SLC4A9: variants seen among roughly 807,000 people sequenced by gnomAD.
SLC4A9 encodes the protein solute carrier family 4 member 9.
Under a neutral mutation model 103.2 loss-of-function variants are expected in SLC4A9, and 102 were observed. The ratio of observed to expected loss-of-function variants is 0.99; its 90% CI spans 0.84 to 1.17. The LOEUF is 1.17. Among genes scored for constraint, SLC4A9 ranks in the 50% most tolerant of loss-of-function variants. The pLI, the probability that SLC4A9 is intolerant of heterozygous loss-of-function variation, is 0.00. For missense variants in SLC4A9, 1,091 were observed against 1,193.7 expected, an observed-to-expected ratio of 0.91 and a Z score of 1.27; for synonymous variants, 453 against 483.6, an observed-to-expected ratio of 0.94 and a Z score of 0.83.
chr5:140,370,148 G>T (rs538368826), intron 17 of SLC4A9, among the ~76,000 whole-genome samples: 1 of 152,110 alleles, frequency 6.6e-6, no homozygotes, highest in Non-Finnish European at 1.5e-5. Context: ...ACAACCTGGT[G>T]AGAGGAGAAA....
intron 6 of SLC4A9, 71 bp downstream of exon 6, chr5:140,362,603 C>G: frequency 6.6e-6 from 9 of 1,373,230 alleles, no homozygotes; most frequent in Non-Finnish European, 9.4e-6. Flanking sequence ...CACATGCATA[C>G]ATGCATGGGC....
chr5:140,371,596 C>T lies in SLC4A9; in HGVS notation c.2642C>T (p.Thr881Ile), dbSNP rs1768733894. Residue 881 changes from threonine (T) to isoleucine (I), a missense_variant, in exon 19 of 22, where the codon ACC becomes ATC. Physicochemically the swap from Thr to Ile is moderately conservative, Grantham distance 89. Transcript: ENST00000506757. ...GGGCTGCTTTGGATAATCAAGTCTACCCCTGCAGCCATCATCTTCCCCCTC... is the reference window on the plus strand; with the variant it reads ...GGGCTGCTTTGGATAATCAAGTCTATCCCTGCAGCCATCATCTTCCCCCTC... ...CLGLLWIIKS[T>I]PAAIIFPLML... 1 of 1,614,048 alleles carries T rather than the reference C, an allele frequency of 6.2e-7. No homozygotes were observed. Among genetic ancestry groups the T allele is most frequent in the Non-Finnish European group, 8.5e-7 (1 of 1,179,902 alleles).
chr5:140,360,334 C>T lies in SLC4A9; in HGVS notation c.98C>T (p.Thr33Ile), dbSNP rs1193637598. ...CTGGACAGCAACCCTGACCCTGGCA[C>T]CGGCCCCAGCCCTGATGGCCCCTCA... is the stretch of plus-strand genomic sequence containing the variant. ...GELDSNPDPG[T>I]GPSPDGPSDT... The change falls in exon 1 of 22, where the codon ACC becomes ATC. Residue 33 changes from threonine to isoleucine, a missense_variant. Coordinates refer to ENST00000506757, the MANE Select transcript of SLC4A9 (RefSeq NM_031467.3). The T allele has an allele frequency of 8.1e-6, 13 of 1,611,724 alleles. No individual in the cohort carries two copies. Among genetic ancestry groups the T allele is most frequent in the African/African-American group, 2.7e-5 (2 of 74,874 alleles).
Position 140,367,832 on chromosome 5 carries a change from T to C in SLC4A9, c.2288T>C (p.Met763Thr), listed in dbSNP as rs1768120293. 2 of 1,613,856 alleles carry C rather than the reference T, an allele frequency of 1.2e-6. No homozygotes were observed. The highest frequency in any genetic ancestry group is 1.1e-5 in the South Asian group (1 of 91,084). The change falls in exon 16 of 22, where the codon ATG (methionine) becomes ACG (threonine). Residue 763 changes from methionine (M) to threonine (T), a missense_variant. Transcript: ENST00000506757. ...VSATVISLAH[M>T]DSLRRESRAC... is the part of the protein sequence containing the mutation. ...GCCACTGTCATCTCCCTGGCTCACA[T>C]GGACAGTCTTCGGAGAGAGAGCAGA...
chr5:140,360,603 A>G (rs561652120), intron 1 of SLC4A9, 137 bp downstream of exon 1: 2 of 1,124,694 alleles, frequency 1.8e-6, no homozygotes, highest in Admixed American at 4.6e-5. Context: ...TCAGGGTCTT[A>G]CCTTCCATGA....
At chr5:140,369,366 T>C (rs1010028412) in intron 17 of SLC4A9, among the ~76,000 whole-genome samples, 1 of 151,582 alleles carries the variant, frequency 6.6e-6, no homozygotes, top group Non-Finnish European at 1.5e-5. Flanking sequence ...ACCAGAGGTA[T>C]ATGGAATATT....
rs770649565 is a variant in SLC4A9, at chr5:140,362,905, T to C, written c.808-7T>C. 1.9e-6 allele frequency: 3 copies of C among 1,613,832 alleles called. No individual in the cohort carries two copies. Among genetic ancestry groups the C allele is most frequent in the African/African-American group, 2.7e-5 (2 of 74,926 alleles). ...ACTTACCACCCATTCTGTGCCCCCATTCCCAGCAATTCCAGTGGTCAGTTC... is the reference window on the plus strand; with the variant it reads ...ACTTACCACCCATTCTGTGCCCCCACTCCCAGCAATTCCAGTGGTCAGTTC... On this transcript the variant is annotated splice_polypyrimidine_tract_variant and splice_region_variant and intron_variant, in intron 6 of 21. Coordinates refer to ENST00000506757, the MANE Select transcript of SLC4A9 (RefSeq NM_031467.3).
In SLC4A9 at chr5:140,363,687, G is replaced by C. The variant is rs745316228; in HGVS notation, c.1080-41G>C. 6.2e-6 allele frequency: 10 copies of C among 1,609,172 alleles called. No individual in the cohort carries two copies. In the Admixed American group the frequency reaches 1.3e-4, roughly 22 times the overall value. ...GGAAAGTAGCGGGGATGCGGGTGTG[G>C]AGTGTGAAAACCTGGATCACTGACG... On this transcript the variant is annotated intron_variant, in intron 8 of 21. Coordinates refer to ENST00000506757, the MANE Select transcript of SLC4A9 (RefSeq NM_031467.3). This position sits in a 1 kb window ranked among gnomAD's most constrained non-coding sequence, Gnocchi z 4.5.
At chr5:140,367,947 G>T in intron 16 of SLC4A9, 49 bp downstream of exon 16, 1 of 1,596,046 alleles carries the variant, frequency 6.3e-7, no homozygotes, top group East Asian at 2.2e-5. Context: ...AGCAAGGTAA[G>T]GCAAAGGGGA....
chr5:140,370,028 C>CA (rs1768469730), intron 17 of SLC4A9, among the ~76,000 whole-genome samples: 1 of 151,872 alleles, frequency 6.6e-6, no homozygotes, highest in Non-Finnish European at 1.5e-5. Flanking sequence ...CAAAAAATCC[C>CA]AAAAAACAGA....
rs772451686 is a variant in SLC4A9, at chr5:140,367,907, G to C, written c.2354+9G>C. ...AACTTCCTGGGTATCAGGTGAGGGC[G>C]GTATTTAGGAAGTGGAGTAAGAGGT... On this transcript the variant is annotated intron_variant, in intron 16 of 21. Transcript: ENST00000506757. 1.2e-6 allele frequency: 2 copies of C among 1,613,256 alleles called. No individual in the cohort carries two copies. The highest frequency in any genetic ancestry group is 1.7e-6 in the Non-Finnish European group (2 of 1,179,586).
chr5:140,373,307 C>A (rs943917449), intron 21 of SLC4A9, among the ~76,000 whole-genome samples: 2 of 152,166 alleles, frequency 1.3e-5, no homozygotes, highest in African/African-American at 4.8e-5. Context: ...ATATATCAAG[C>A]ATTTTCTGAG....
Position 140,367,804 on chromosome 5 carries a change from T to C in SLC4A9, c.2260T>C (p.Ser754Pro), listed in dbSNP as rs1745211794. ...AGCGCTTGGACTGCCTTGGTATGTC[T>C]CAGCCACTGTCATCTCCCTGGCTCA... Reference protein sequence around the residue: ...TSALGLPWYVSATVISLAHMD... With the variant: ...TSALGLPWYVPATVISLAHMD... Residue 754 changes from serine (S) to proline (P), a missense_variant, in exon 16 of 22, where the codon TCA becomes CCA. By Grantham distance (74) the Ser-to-Pro change is moderately conservative. Coordinates refer to ENST00000506757, the MANE Select transcript of SLC4A9 (RefSeq NM_031467.3). The C allele has an allele frequency of 6.2e-7, 1 of 1,613,846 alleles. No individual in the cohort carries two copies. Among genetic ancestry groups the C allele is most frequent in the Non-Finnish European group, 8.5e-7 (1 of 1,179,900 alleles).
chr5:140,371,547 A>G lies in SLC4A9; in HGVS notation c.2593A>G (p.Thr865Ala), dbSNP rs750538278. The change falls in exon 19 of 22, where the codon ACA (threonine) becomes GCA (alanine). Residue 865 changes from threonine to alanine, a missense_variant. Coordinates refer to ENST00000506757, the MANE Select transcript of SLC4A9 (RefSeq NM_031467.3). ...GCCTCTGACCAGGGTCCACCTCTTC[A>G]CAGCCATCCAGCTTGCCTGTCTGGG... ...HVPLTRVHLF[T>A]AIQLACLGLL... is the part of the protein sequence containing the mutation. 3.1e-6 allele frequency: 5 copies of G among 1,613,966 alleles called. No homozygotes were observed. The highest frequency in any genetic ancestry group is 4.2e-6 in the Non-Finnish European group (5 of 1,179,872).
intron 19 of SLC4A9, 88 bp downstream of exon 19, chr5:140,371,712 G>A: frequency 1.4e-6 from 2 of 1,424,804 alleles, no homozygotes; most frequent in Non-Finnish European, 1.9e-6. Flanking sequence ...ACGAGAGGAA[G>A]AATCTCCCCT....
At chr5:140,365,458 A>T (rs766575259) in intron 11 of SLC4A9, 62 bp from the exon 12 acceptor site, 99 of 1,474,528 alleles carry the variant, frequency 6.7e-5, no homozygotes, top group Non-Finnish European at 8.6e-5. Flanking sequence ...TAAGAATTTT[A>T]TGGGGCTGGA....
intron 17 of SLC4A9, among the ~76,000 whole-genome samples, chr5:140,369,580 C>A (rs972192680): frequency 1.3e-5 from 2 of 151,908 alleles, no homozygotes; most frequent in Non-Finnish European, 2.9e-5. Flanking sequence ...ACTGGCAGGA[C>A]GACAAGAGGT....
In SLC4A9 at chr5:140,366,255, A is replaced by C; in HGVS notation, c.2004A>C (p.Arg668Ser). 6.3e-7 allele frequency: 1 copy of C among 1,592,082 alleles called. No individual in the cohort carries two copies. Among genetic ancestry groups the C allele is most frequent in the Admixed American group, 1.8e-5 (1 of 55,918 alleles). The change falls in exon 14 of 22, where the codon AGA (arginine) becomes AGC (serine). Residue 668 changes from arginine (R) to serine (S), a missense_variant. Physicochemically the swap from Arg to Ser is moderately radical, Grantham distance 110. Transcript: ENST00000506757. ...GLATPKLMVP[R>S]EFKPTLPGRG... ...CCACACCAAAGCTCATGGTACCCAG[A>C]GAGTTCAAGGTGAGAGCCAGGGAAG...
chr5:140,360,779 C>A, intron 1 of SLC4A9, 33 bp from the exon 2 acceptor site: 1 of 1,612,860 alleles, frequency 6.2e-7, no homozygotes, highest in Non-Finnish European at 8.5e-7. Flanking sequence ...GAGAAATGCC[C>A]TCAATAACAC....
Sources: allele counts gnomAD v4.1 joint callset (sites outside exome capture counted in the v4.1 genomes callset), GRCh38; gene constraint gnomAD v4.1.1; non-coding constraint Gnocchi (gnomAD v3.1); transcripts MANE v1.5; gene names NCBI Gene and HGNC (gene_info 2026-07-23, HGNC 2026-07-21).